Variants in TTC21B observed in about 807,000 individuals in gnomAD.
TTC21B encodes tetratricopeptide repeat protein 21B.
A neutral mutation model predicts 175.1 loss-of-function variants in TTC21B; 127 were observed. The observed-to-expected ratio is 0.73, with a 90% CI of 0.63 to 0.84. The LOEUF (loss-of-function observed/expected upper bound fraction) is 0.84. Among genes scored for constraint, TTC21B ranks in the 40% least tolerant of loss-of-function variants. TTC21B has a pLI of 0.00. For synonymous variants in TTC21B, 524 were observed against 524.5 expected (o/e 1.00, Z 0.01); for missense variants, 1,561 against 1,558.3 (o/e 1.00, Z -0.03).
At chr2:165,931,046 C>G (rs1686888716) in intron 8 of TTC21B, among the ~76,000 whole-genome samples, 2 of 151,762 alleles carry the variant, frequency 1.3e-5, no homozygotes, top group African/African-American at 2.4e-5. Context: ...CTACGGTAAG[C>G]AAAAAAGGTA....
At position 165,906,008 on chromosome 2, in the gene TTC21B, C is replaced by T. The variant is rs902164787; in HGVS notation, c.2568+1670G>A. On this transcript the variant is annotated intron_variant, in intron 19 of 28. Transcript: ENST00000243344. ...TATGTCTTGGCACAGCAGAAGTGTACTAGAAGTCAGTATCAAAAAGATAAC... is the reference window on the plus strand; with the variant it reads ...TATGTCTTGGCACAGCAGAAGTGTATTAGAAGTCAGTATCAAAAAGATAAC... 2.6e-5 allele frequency among the ~76,000 whole-genome samples: 4 copies of T among 152,002 alleles called. No homozygotes were observed. The East Asian group carries it at 7.7e-4, about 29-fold the overall frequency.
intron 4 of TTC21B, among the ~76,000 whole-genome samples, chr2:165,944,069 T>C (rs182266666): frequency 1.4e-3 from 213 of 152,250 alleles, no homozygotes; most frequent in African/African-American, 5.0e-3. Context: ...TCCCTGTATT[T>C]CACCCGAAAA....
At position 165,888,494 on chromosome 2, in the gene TTC21B, A is replaced by T; in HGVS notation, c.3264-20T>A. On this transcript the variant is annotated intron_variant, in intron 24 of 28. Coordinates refer to ENST00000243344, the MANE Select transcript of TTC21B (RefSeq NM_024753.5). ...GAATTACTGTATATAATTAAAAATA[A>T]ATCACTTCTGTCTCTTACTCATGAT... 3 of 1,577,572 alleles carry T rather than the reference A, an allele frequency of 1.9e-6. No individual in the cohort carries two copies. Among genetic ancestry groups the T allele is most frequent in the Non-Finnish European group, 2.6e-6 (3 of 1,150,644 alleles).
chr2:165,933,043 T>C lies in TTC21B; in HGVS notation c.725A>G (p.Asp242Gly). Residue 242 changes from aspartate (D) to glycine (G), a missense_variant, in exon 7 of 29, where the codon GAT becomes GGT. Transcript: ENST00000243344. ...TCTCAGTGCTTCCACATTTTGGCTATCTTGGAGCAGCAACCTGCAGGAAAA... is the reference window on the plus strand; with the variant it reads ...TCTCAGTGCTTCCACATTTTGGCTACCTTGGAGCAGCAACCTGCAGGAAAA... ...VETAQRLLLQ[D>G]SQNVEALRMQ... is the part of the protein sequence containing the mutation. 6.2e-7 allele frequency: 1 copy of C among 1,612,670 alleles called. No homozygotes were observed. The highest frequency in any genetic ancestry group is 1.7e-5 in the Admixed American group (1 of 60,006).
chr2:165,875,507 T>C (rs1169735781), intron 28 of TTC21B, among the ~76,000 whole-genome samples: 3 of 152,166 alleles, frequency 2.0e-5, no homozygotes, highest in Non-Finnish European at 4.4e-5. Context: ...ATGTCTTATA[T>C]GGAATATCAA....
chr2:165,899,793 G>A lies in TTC21B; in HGVS notation c.2845C>T (p.Gln949Ter). ...ACCATGGTAGCAGCTTCGTTATCCT[G>A]GTCACTCTGAAGCAGTAGAGCACAC... ...RQCALLLQSD[Q>*]DNEAATMMMA... The change falls in exon 21 of 29, where the codon CAG becomes TAG. Residue 949 changes from glutamine to a stop codon, truncating the protein, a stop_gained. Coordinates refer to ENST00000243344, the MANE Select transcript of TTC21B (RefSeq NM_024753.5). LOFTEE classifies it high-confidence loss of function. 3.1e-6 allele frequency: 5 copies of A among 1,612,802 alleles called. No individual in the cohort carries two copies. The highest frequency in any genetic ancestry group is 4.2e-6 in the Non-Finnish European group (5 of 1,178,858).
At position 165,878,114 on chromosome 2, in the gene TTC21B, T is replaced by C. The variant is rs116850236; in HGVS notation, c.3806-1882A>G. 3.8e-4 allele frequency among the ~76,000 whole-genome samples: 58 copies of C among 152,304 alleles called. No individual in the cohort carries two copies. The East Asian group carries it at 0.011, about 29-fold the overall frequency. On this transcript the variant is annotated intron_variant, in intron 27 of 28. Coordinates refer to ENST00000243344, the MANE Select transcript of TTC21B (RefSeq NM_024753.5). ...TCTTAGTATAATTTTAAAAATCATA[T>C]AAAATACTTGTGAAATGGTTTTTAA... is the stretch of plus-strand genomic sequence containing the variant.
In TTC21B at chr2:165,890,933, G is replaced by C. The variant is rs765379564; in HGVS notation, c.3006C>G (p.Leu1002=). ...TTGAGAAAAATCTTGGGACATCCTC[G>C]AGTTTTCCACATCTTCTTAGGAGAT... The part of the protein sequence containing the change: ...LIDLLRRCGK[L]EDVPRFFSMA... Residue 1002 remains leucine (L), a synonymous_variant, in exon 23 of 29, where the codon CTC becomes CTG. Coordinates refer to ENST00000243344, the MANE Select transcript of TTC21B (RefSeq NM_024753.5). 1 of 1,612,892 alleles carries C rather than the reference G, an allele frequency of 6.2e-7. No homozygotes were observed. The highest frequency in any genetic ancestry group is 1.3e-5 in the African/African-American group (1 of 74,778).
At chr2:165,951,316 A>C (rs960353076) in intron 1 of TTC21B, among the ~76,000 whole-genome samples, 1 of 152,242 alleles carries the variant, frequency 6.6e-6, no homozygotes, top group Non-Finnish European at 1.5e-5. Flanking sequence ...ACAACGCCTC[A>C]GTCTGCTCAT....
At chr2:165,884,947 G>A (rs1284688095) in intron 25 of TTC21B, among the ~76,000 whole-genome samples, 1 of 152,162 alleles carries the variant, frequency 6.6e-6, no homozygotes, top group Non-Finnish European at 1.5e-5. Context: ...ACTTCGGGAG[G>A]CTGAGGCTAG....
chr2:165,918,785 G>A (rs1686279819), intron 13 of TTC21B, among the ~76,000 whole-genome samples: 1 of 152,138 alleles, frequency 6.6e-6, no homozygotes, highest in South Asian at 2.1e-4. Context: ...ATCTTGGATA[G>A]AAAAGTACTG....
At chr2:165,879,772 A>AT (rs1684781849) in intron 27 of TTC21B, 2 of 152,314 alleles carry the variant, frequency 1.3e-5, no homozygotes, top group African/African-American at 4.8e-5. Flanking sequence ...ATTAAAAAAA[A>AT]AATAATTATT....
Position 165,910,169 on chromosome 2 carries a change from C to T in TTC21B, c.2461+1158G>A, listed in dbSNP as rs545112263. Among the ~76,000 whole-genome samples the T allele has an allele frequency of 2.6e-5, 4 of 152,060 alleles. No individual in the cohort carries two copies. In the South Asian group the frequency reaches 8.3e-4, roughly 32 times the overall value. ...CTGTAATCCCAGCACTTTGGGAGGC[C>T]GAGGCAGGCAGATCACAAGGTCAGG... On this transcript the variant is annotated intron_variant, in intron 18 of 28. Coordinates refer to ENST00000243344, the MANE Select transcript of TTC21B (RefSeq NM_024753.5).
chr2:165,923,335 G>A (rs1420108210), intron 12 of TTC21B, among the ~76,000 whole-genome samples: 1 of 151,966 alleles, frequency 6.6e-6, no homozygotes, highest in African/African-American at 2.4e-5. Context: ...AACTATTCAT[G>A]AAAATACCTT....
At chr2:165,884,505 C>T (rs551251834) in intron 25 of TTC21B, among the ~76,000 whole-genome samples, 2 of 152,162 alleles carry the variant, frequency 1.3e-5, no homozygotes, top group South Asian at 4.1e-4. Context: ...TTTTTTTCCC[C>T]CTCCCTTCTC....
chr2:165,911,519 G>A lies in TTC21B; in HGVS notation c.2323-54C>T, dbSNP rs929965565. On this transcript the variant is annotated intron_variant, in intron 17 of 28. Coordinates refer to ENST00000243344, the MANE Select transcript of TTC21B (RefSeq NM_024753.5). Reference sequence around the variant, plus strand: ...ACAAGGCAATGAGAATGGCATTCAAGCAGAGCTATTTAATACATTACAGAC... The same window carrying A: ...ACAAGGCAATGAGAATGGCATTCAAACAGAGCTATTTAATACATTACAGAC... 3 of 1,603,058 alleles carry A rather than the reference G, an allele frequency of 1.9e-6. No individual in the cohort carries two copies. In the Admixed American group the frequency reaches 5.0e-5, roughly 27 times the overall value.
At chr2:165,914,691 G>GTGTGTGTGTGTGTC (rs1245233255) in intron 15 of TTC21B, among the ~76,000 whole-genome samples, 7 of 148,250 alleles carry the variant, frequency 4.7e-5, no homozygotes, top group African/African-American at 1.8e-4. Flanking sequence ...GTGTGTGTGT[G>GTGTGTGTGTGTGTC]TGTGTGTTGT....
rs1686016364 is a variant in TTC21B at position 165,913,093 on chromosome 2, C to T, written c.2212-469G>A. ...TTGCTCTGTCACCCAGGCTGGAGTG[C>T]AGTGGCGCAATCTTGGCTCACTGCA... On this transcript the variant is annotated intron_variant, in intron 16 of 28. Coordinates refer to ENST00000243344, the MANE Select transcript of TTC21B (RefSeq NM_024753.5). 2.0e-5 allele frequency among the ~76,000 whole-genome samples: 3 copies of T among 151,828 alleles called. No homozygotes were observed. In the South Asian group the frequency reaches 6.2e-4, roughly 32 times the overall value.
At chr2:165,938,770 G>C (rs1687258223) in intron 6 of TTC21B, among the ~76,000 whole-genome samples, 1 of 151,924 alleles carries the variant, frequency 6.6e-6, no homozygotes, top group South Asian at 2.1e-4. Flanking sequence ...AAGGGAGAGG[G>C]AAAGAAAGAG....
Sources: allele counts gnomAD v4.1 joint callset (sites outside exome capture counted in the v4.1 genomes callset), GRCh38; gene constraint gnomAD v4.1.1; transcripts MANE v1.5; gene names NCBI Gene and HGNC (gene_info 2026-07-23, HGNC 2026-07-21).